The following PCDH11Y variants were observed in gnomAD, a reference collection of about 807,000 sequenced individuals.
The protein encoded by PCDH11Y is protocadherin-11 Y-linked.
For missense variants in PCDH11Y, 12 were observed against 224.8 expected, an observed-to-expected ratio of 0.05 and a Z score of 6.05; for synonymous variants, 9 against 83.6, an observed-to-expected ratio of 0.11 and a Z score of 4.87.
chrY:5,565,985 T>C (rs2053434425), intron 3 of PCDH11Y, among the ~76,000 whole-genome samples: 1 of 22,830 alleles, frequency 4.4e-5, no homozygotes, highest in Non-Finnish European at 9.8e-5. Flanking sequence ...ATATGTTTTT[T>C]TTTTTTTGAG....
intron 4 of PCDH11Y, among the ~76,000 whole-genome samples, chrY:5,584,859 G>A: frequency 3.5e-5 from 1 of 28,676 alleles, no homozygotes; most frequent in Non-Finnish European, 8.2e-5. Flanking sequence ...CTGGCCCTGT[G>A]TTATTTTGGT....
intron 1 of PCDH11Y, among the ~76,000 whole-genome samples, chrY:5,015,064 G>A: frequency 3.0e-5 from 1 of 33,509 alleles, no homozygotes; most frequent in South Asian, 6.5e-4. Flanking sequence ...AAGTGCCACC[G>A]AATATAAGAA....
At position 5,341,904 on chromosome Y, in the gene PCDH11Y, C is replaced by T. The variant is rs1602907892; in HGVS notation, c.3130-159153C>T. Among the ~76,000 whole-genome samples the T allele has an allele frequency of 2.6e-4, 7 of 26,444 alleles. No homozygotes were observed. In the East Asian group the frequency reaches 6.0e-3, roughly 23 times the overall value. The allele number at this position is 26,444 out of a possible 37,273, so 70.9% of individuals were successfully genotyped here. On this transcript the variant is annotated intron_variant, in intron 2 of 4. Transcript: ENST00000400457. ...CTGGGGGTGGGGAGGTTCCAGTGAG[C>T]GGGGATCGGGCCACTTTACTCCAGC...
chrY:5,358,039 C>T, intron 2 of PCDH11Y, among the ~76,000 whole-genome samples: 2 of 33,203 alleles, frequency 6.0e-5, no homozygotes, highest in African/African-American at 1.2e-4. Context: ...TGGGTTCAAG[C>T]GATTCTCCTG....
intron 3 of PCDH11Y, among the ~76,000 whole-genome samples, chrY:5,577,867 C>T (rs2053447603): frequency 3.1e-5 from 1 of 32,215 alleles, no homozygotes; most frequent in African/African-American, 1.2e-4. Context: ...CGAGTGCGTT[C>T]TCAAGAGATC....
At chrY:5,412,234 G>C (rs2053247939) in intron 2 of PCDH11Y, among the ~76,000 whole-genome samples, 1 of 30,143 alleles carries the variant, frequency 3.3e-5, no homozygotes, top group African/African-American at 1.3e-4. Context: ...CTCCCAGCTT[G>C]GATGTCATTG....
At chrY:5,309,950 T>A (rs2053096226) in intron 2 of PCDH11Y, among the ~76,000 whole-genome samples, 1 of 28,385 alleles carries the variant, frequency 3.5e-5, no homozygotes, top group Admixed American at 3.4e-4. Context: ...GACTACTCGA[T>A]TTAAACCTCC....
chrY:5,413,874 T>A, intron 2 of PCDH11Y, among the ~76,000 whole-genome samples: 1 of 33,410 alleles, frequency 3.0e-5, no homozygotes, highest in Non-Finnish European at 7.4e-5. Flanking sequence ...TTTTTTAGTT[T>A]GTGTGCATAC....
At chrY:5,084,929 A>G (rs2124632690) in intron 1 of PCDH11Y, among the ~76,000 whole-genome samples, 1 of 33,360 alleles carries the variant, frequency 3.0e-5, no homozygotes, top group African/African-American at 1.2e-4. Flanking sequence ...TAAGCAACAG[A>G]TCACTGGTTC....
chrY:5,725,371 C>T lies in PCDH11Y; in HGVS notation c.3353-11901C>T. On this transcript the variant is annotated intron_variant, in intron 4 of 4. Coordinates refer to the PCDH11Y transcript ENST00000400457. ...ATAAGAACAAAGTTGGATAACTAAG[C>T]CTTTTCCATTTTAAAACTTTCCTCA... Among the ~76,000 whole-genome samples the T allele has an allele frequency of 9.1e-5, 3 of 32,967 alleles. No homozygotes were observed. In the South Asian group the frequency reaches 2.0e-3, roughly 22 times the overall value. The allele number at this position is 32,967 out of a possible 37,273, so 88.4% of individuals were successfully genotyped here. A position where few individuals can be genotyped will look rare whatever the true frequency, so the allele number is the denominator to read the frequency against.
chrY:5,239,765 G>A, intron 2 of PCDH11Y, among the ~76,000 whole-genome samples: 1 of 32,743 alleles, frequency 3.1e-5, no homozygotes, highest in African/African-American at 1.2e-4. Context: ...TTTATTTACA[G>A]GACACTGTGA....
At chrY:5,294,352 G>A (rs2053070809) in intron 2 of PCDH11Y, among the ~76,000 whole-genome samples, 1 of 32,635 alleles carries the variant, frequency 3.1e-5, no homozygotes, top group African/African-American at 1.2e-4. Flanking sequence ...CACCTCCTGG[G>A]TTCAAGTGAT....
At chrY:5,377,536 G>C in intron 2 of PCDH11Y, among the ~76,000 whole-genome samples, 2 of 33,236 alleles carry the variant, frequency 6.0e-5, no homozygotes, top group Admixed American at 5.5e-4. Flanking sequence ...AAGAGTCTTT[G>C]CTTATTTAAA....
intron 1 of PCDH11Y, among the ~76,000 whole-genome samples, chrY:5,061,251 G>T: frequency 3.1e-5 from 1 of 32,592 alleles, no homozygotes; most frequent in African/African-American, 1.2e-4. Context: ...AGATTTGAAA[G>T]CTTCTCTTTT....
intron 2 of PCDH11Y, among the ~76,000 whole-genome samples, chrY:5,278,999 C>A: frequency 3.0e-5 from 1 of 33,270 alleles, no homozygotes; most frequent in African/African-American, 1.2e-4. Flanking sequence ...ATTTTTACTT[C>A]ATTGGTCAAA....
At position 5,393,726 on chromosome Y, in the gene PCDH11Y, C is replaced by T. The variant is rs1279382885; in HGVS notation, c.3130-107331C>T. Reference sequence around the variant, plus strand: ...AAAAACCCAAAACAAACAAACAAAACATGAAAAACCCCCAACTATATAAAT... The same window carrying T: ...AAAAACCCAAAACAAACAAACAAAATATGAAAAACCCCCAACTATATAAAT... On this transcript the variant is annotated intron_variant, in intron 2 of 4. Coordinates refer to the PCDH11Y transcript ENST00000400457. Among the ~76,000 whole-genome samples, 16 of 6,518 alleles carry T rather than the reference C, an allele frequency of 2.5e-3. No individual in the cohort carries two copies. The East Asian group carries it at 0.039, about 16-fold the overall frequency. 17.5% of individuals were successfully genotyped at this position (6,518 alleles called of 37,273 possible). A position where few individuals can be genotyped will look rare whatever the true frequency, so the allele number is the denominator to read the frequency against.
rs2052892498 is a variant in PCDH11Y, at chrY:5,175,448, T to C, written c.3129+74741T>C. Among the ~76,000 whole-genome samples, 11 of 26,199 alleles carry C rather than the reference T, an allele frequency of 4.2e-4. No homozygotes were observed. In the South Asian group the frequency reaches 0.012, roughly 28 times the overall value. 70.3% of individuals were successfully genotyped at this position (26,199 alleles called of 37,273 possible). ...TGCAGGTTAGTTACATATGTATACATGTGCCATGCTGGTGCGCTGCACCTA... is the reference window on the plus strand; with the variant it reads ...TGCAGGTTAGTTACATATGTATACACGTGCCATGCTGGTGCGCTGCACCTA... On this transcript the variant is annotated intron_variant, in intron 2 of 4. Transcript: ENST00000400457.
At chrY:5,327,547 G>A in intron 2 of PCDH11Y, among the ~76,000 whole-genome samples, 2 of 32,962 alleles carry the variant, frequency 6.1e-5, no homozygotes, top group Admixed American at 2.8e-4. Flanking sequence ...GCCGTTGAGC[G>A]GGGTAAGGGT....
chrY:5,047,782 G>A (rs2052645434), intron 3 of PCDH11Y, among the ~76,000 whole-genome samples: 1 of 33,546 alleles, frequency 3.0e-5, no homozygotes. Context: ...AAACCAGGCT[G>A]AACCCAGTAC....
Sources: gnomAD v4.1 joint callset for allele counts (sites outside exome capture counted in the v4.1 genomes callset) on GRCh38, gnomAD v4.1.1 for gene constraint, MANE v1.5 for transcripts, NCBI Gene and HGNC (gene_info 2026-07-23, HGNC 2026-07-21) for gene names.